FAM135A: variants seen among roughly 807,000 people sequenced by gnomAD.
The protein encoded by FAM135A is family with sequence similarity 135 member A.
A neutral mutation model predicts 146.8 loss-of-function variants in FAM135A; 79 were observed. That is an observed-to-expected ratio of 0.54 (90% confidence interval 0.45 to 0.65). FAM135A has a LOEUF of 0.65. FAM135A is among the 30% of genes least tolerant of loss of function. The probability of loss-of-function intolerance (pLI) is 0.00; values close to 1 mark genes in which losing one functional copy is unlikely to be tolerated. For synonymous variants in FAM135A, 562 were observed against 603.6 expected (o/e 0.93, Z 1.01); for missense variants, 1,623 against 1,758.2 (o/e 0.92, Z 1.38).
chr6:70,486,497 T>C (rs530212458), intron 10 of FAM135A, among the ~76,000 whole-genome samples: 3 of 152,344 alleles, frequency 2.0e-5, no homozygotes, highest in South Asian at 4.1e-4. Context: ...TTTTTTCATA[T>C]GTTTTTTAAA....
chr6:70,540,743 T>A (rs926023758), intron 20 of FAM135A, among the ~76,000 whole-genome samples: 4 of 152,224 alleles, frequency 2.6e-5, no homozygotes, highest in African/African-American at 9.7e-5. Flanking sequence ...TGTTTTTCTA[T>A]CCTAGTCATC....
chr6:70,427,377 C>T (rs980982954), intron 3 of FAM135A, among the ~76,000 whole-genome samples: 1 of 151,946 alleles, frequency 6.6e-6, no homozygotes, highest in African/African-American at 2.4e-5. Context: ...ACTAAAAATA[C>T]AAAAATTAGC....
chr6:70,433,077 C>G (rs887709821), intron 4 of FAM135A, among the ~76,000 whole-genome samples: 1 of 139,294 alleles, frequency 7.2e-6, no homozygotes, highest in Non-Finnish European at 1.6e-5. Context: ...AATCAAGATA[C>G]TTTTTTTTTT....
chr6:70,485,478 A>T (rs1470806882), intron 10 of FAM135A, among the ~76,000 whole-genome samples: 1 of 152,172 alleles, frequency 6.6e-6, no homozygotes, highest in East Asian at 1.9e-4. Flanking sequence ...GCAAAATAAA[A>T]TTGTGAACAC....
At chr6:70,472,509 C>T (rs1337679606) in intron 5 of FAM135A, among the ~76,000 whole-genome samples, 1 of 152,132 alleles carries the variant, frequency 6.6e-6, no homozygotes, top group Admixed American at 6.5e-5. Flanking sequence ...AAAGAATATT[C>T]TCCTGCATAA....
intron 13 of FAM135A, 107 bp from the exon 14 acceptor site, chr6:70,523,860 A>G (rs578113975): frequency 9.2e-7 from 1 of 1,083,046 alleles, no homozygotes; most frequent in East Asian, 2.6e-5. Context: ...TATGTCTTGC[A>G]GATGAGGGAT....
intron 20 of FAM135A, 128 bp from the exon 21 acceptor site, chr6:70,556,622 A>C: frequency 1.7e-6 from 1 of 573,886 alleles, no homozygotes. Flanking sequence ...AGGATCATCA[A>C]GTATTGACAA....
intron 21 of FAM135A, chr6:70,557,141 G>A (rs1464920422): frequency 3.9e-6 from 2 of 509,674 alleles, no homozygotes; most frequent in Non-Finnish European, 6.9e-6. Flanking sequence ...TAATGGGATT[G>A]ACAATTGTAG....
chr6:70,528,404 G>T lies in FAM135A; in HGVS notation c.3727G>T (p.Gly1243Cys). Residue 1243 changes from glycine (G) to cysteine (C), a missense_variant, in exon 16 of 22, where the codon GGT becomes TGT. Physicochemically the swap from Gly to Cys is radical, Grantham distance 159 (BLOSUM62 -3). Transcript: ENST00000418814. Reference protein sequence around the residue: ...VPYFSVEEEDGSEDGVHLIVC... With the variant: ...VPYFSVEEEDCSEDGVHLIVC... ...TTATTTTAGTGTAGAAGAAGAGGAT[G>T]GTTCTGAAGATGGAGTACATCTGAT... The T allele has an allele frequency of 6.2e-7, 1 of 1,613,148 alleles. No individual in the cohort carries two copies. Among genetic ancestry groups the T allele is most frequent in the Non-Finnish European group, 8.5e-7 (1 of 1,179,632 alleles).
chr6:70,528,316 G>A lies in FAM135A; in HGVS notation c.3639G>A (p.Leu1213=). The A allele has an allele frequency of 6.2e-7, 1 of 1,610,854 alleles. No homozygotes were observed. The highest frequency in any genetic ancestry group is 8.5e-7 in the Non-Finnish European group (1 of 1,179,018). The change falls in exon 16 of 22, where the codon CTG becomes CTA. Residue 1213 remains leucine, a synonymous_variant. Transcript: ENST00000418814. ...IQAFLQAKEE[L]KLLKLPGFMY... The stretch of plus-strand genomic sequence containing the variant: ...GCTTCCTTCAGGCAAAAGAAGAACT[G>A]AAGCTACTAAAACTTCCTGGGTTCA...
chr6:70,508,842 C>T (rs532809123), intron 12 of FAM135A, among the ~76,000 whole-genome samples: 2 of 152,266 alleles, frequency 1.3e-5, no homozygotes, highest in Non-Finnish European at 2.9e-5. Flanking sequence ...TGGTGCAACC[C>T]TATCAAATAG....
At chr6:70,430,512 G>A (rs1161514260) in intron 4 of FAM135A, among the ~76,000 whole-genome samples, 1 of 152,118 alleles carries the variant, frequency 6.6e-6, no homozygotes, top group African/African-American at 2.4e-5. Context: ...TGTCCATATG[G>A]CTGATAAGTT....
chr6:70,483,205 A>G (rs1384870471), intron 10 of FAM135A, among the ~76,000 whole-genome samples: 1 of 152,210 alleles, frequency 6.6e-6, no homozygotes, highest in African/African-American at 2.4e-5. Flanking sequence ...ACTATCAGCA[A>G]CTACTCAAGT....
intron 5 of FAM135A, among the ~76,000 whole-genome samples, chr6:70,466,070 G>A (rs1174115324): frequency 3.3e-5 from 5 of 151,762 alleles, no homozygotes; most frequent in Non-Finnish European, 4.4e-5. Context: ...ATTAGGTGAG[G>A]TCAGGGAAAA....
chr6:70,432,259 C>T (rs1268756103), intron 4 of FAM135A, among the ~76,000 whole-genome samples: 1 of 152,144 alleles, frequency 6.6e-6, no homozygotes, highest in African/African-American at 2.4e-5. Context: ...TTAATCTCTA[C>T]CTGCTGCACT....
Position 70,526,697 on chromosome 6 carries a change from GCGT to G in FAM135A, c.3614_3614+2del. ...AAGTTCACCAAAACCTCAAATACAAGCGTAAGTAATGGAACGTAATAGTACCTG... is the reference window on the plus strand; with the variant it reads ...AAGTTCACCAAAACCTCAAATACAAGAAGTAATGGAACGTAATAGTACCTG... On this transcript the variant is annotated splice_donor_variant and coding_sequence_variant, in exon 15 of 22. Transcript: ENST00000418814. LOFTEE classifies it high-confidence loss of function. 1 of 1,589,460 alleles carries G rather than the reference GCGT, an allele frequency of 6.3e-7. No individual in the cohort carries two copies. Among genetic ancestry groups the G allele is most frequent in the Non-Finnish European group, 8.5e-7 (1 of 1,169,712 alleles).
rs1292930262 is a variant in FAM135A, at chr6:70,501,182, A to G, written c.874-1454A>G. Among the ~76,000 whole-genome samples the G allele has an allele frequency of 1.3e-5, 2 of 152,196 alleles. 1 individual carries two copies. Among genetic ancestry groups the G allele is most frequent in the Admixed American group, 1.3e-4 (2 of 15,280 alleles). ...TGACTGGGGCTGTTACCCTTCCTTCAGTGATGCCCTTCCCAGTGAGGAGGA... is the reference window on the plus strand; with the variant it reads ...TGACTGGGGCTGTTACCCTTCCTTCGGTGATGCCCTTCCCAGTGAGGAGGA... On this transcript the variant is annotated intron_variant, in intron 11 of 21. Coordinates refer to ENST00000418814, the MANE Select transcript of FAM135A (RefSeq NM_001162529.3).
At chr6:70,513,489 G>A (rs761470937) in intron 12 of FAM135A, 27 of 150,006 alleles carry the variant, frequency 1.8e-4, no homozygotes, top group African/African-American at 5.4e-4. Context: ...ATATTGATTC[G>A]GACAATTTGT....
At chr6:70,539,888 C>CGGGAGGCTGAGGCAGGAGAAT (rs1007784754) in intron 20 of FAM135A, among the ~76,000 whole-genome samples, 4 of 151,968 alleles carry the variant, frequency 2.6e-5, no homozygotes, top group African/African-American at 9.7e-5. Context: ...CCCAGCTACT[C>CGGGAGGCTGAGGCAGGAGAAT]GGGAGGCTGA....
Sources: allele counts gnomAD v4.1 joint callset (sites outside exome capture counted in the v4.1 genomes callset), GRCh38; gene constraint gnomAD v4.1.1; transcripts MANE v1.5; gene names NCBI Gene and HGNC (gene_info 2026-07-23, HGNC 2026-07-21).